The following NRXN3 variants were observed in gnomAD, a reference collection of about 807,000 sequenced individuals.
The protein encoded by NRXN3 is neurexin III.
A neutral mutation model predicts 137.6 loss-of-function variants in NRXN3; 32 were observed. That is an observed-to-expected ratio of 0.23 (90% confidence interval 0.18 to 0.31). The LOEUF (loss-of-function observed/expected upper bound fraction) is 0.31. NRXN3 is among the 10% of genes least tolerant of loss of function. The pLI is 1.00. For synonymous variants in NRXN3, 798 were observed against 784.5 expected, an observed-to-expected ratio of 1.02 and a Z score of -0.29; for missense variants, 1,574 against 2,062.5, an observed-to-expected ratio of 0.76 and a Z score of 4.59.
At chr14:79,190,752 G>A (rs534272434) in intron 15 of NRXN3, among the ~76,000 whole-genome samples, 1 of 152,216 alleles carries the variant, frequency 6.6e-6, no homozygotes, top group East Asian at 1.9e-4. Flanking sequence ...GTAGGGAAAA[G>A]GGAAACTTGA....
intron 4 of NRXN3, among the ~76,000 whole-genome samples, chr14:78,639,721 A>T (rs2097601526): frequency 6.6e-6 from 1 of 152,162 alleles, no homozygotes; most frequent in Non-Finnish European, 1.5e-5. Flanking sequence ...GTTCCTGGCA[A>T]AGTAGTGGTA....
At chr14:79,599,387 T>G (rs2097898291) in intron 16 of NRXN3, among the ~76,000 whole-genome samples, 1 of 152,228 alleles carries the variant, frequency 6.6e-6, no homozygotes, top group South Asian at 2.1e-4. Flanking sequence ...AAATTAAAAC[T>G]ACCTTGTTCT....
At chr14:78,278,116 C>T (rs932424692) in intron 2 of NRXN3, among the ~76,000 whole-genome samples, 6 of 152,150 alleles carry the variant, frequency 3.9e-5, no homozygotes, top group African/African-American at 1.2e-4. Flanking sequence ...TCCTTCAGTC[C>T]TATGTGGTGA....
chr14:78,288,930 A>G (rs1280540590), intron 3 of NRXN3, among the ~76,000 whole-genome samples: 1 of 152,226 alleles, frequency 6.6e-6, no homozygotes, highest in Non-Finnish European at 1.5e-5. Context: ...CCACCTTGCC[A>G]TAAGAACAAT....
chr14:79,018,293 AAAAGAGAG>A (rs2099583119), intron 15 of NRXN3, among the ~76,000 whole-genome samples: 2 of 17,198 alleles, frequency 1.2e-4, no homozygotes, highest in African/African-American at 1.9e-4. Flanking sequence ...AAAAAAAAAA[AAAAGAGAG>A]AGAGCAAGAA....
chr14:79,520,262 C>T (rs1035518133), intron 16 of NRXN3, among the ~76,000 whole-genome samples: 6 of 152,004 alleles, frequency 3.9e-5, no homozygotes, highest in African/African-American at 9.7e-5. Context: ...TTATTTTCAA[C>T]GTGATTAACA....
intron 15 of NRXN3, among the ~76,000 whole-genome samples, chr14:79,240,750 A>G (rs539950550): frequency 6.6e-6 from 1 of 152,236 alleles, no homozygotes; most frequent in South Asian, 2.1e-4. Context: ...CCCACCGCAG[A>G]TAAAACACAG....
intron 15 of NRXN3, among the ~76,000 whole-genome samples, chr14:79,294,793 C>T (rs1009297981): frequency 6.6e-6 from 1 of 152,150 alleles, no homozygotes; most frequent in African/African-American, 2.4e-5. Context: ...GGCACTGGTC[C>T]ATGCTCTGAA....
chr14:78,554,910 A>G (rs2096724345), intron 4 of NRXN3, among the ~76,000 whole-genome samples: 1 of 152,086 alleles, frequency 6.6e-6, no homozygotes, highest in African/African-American at 2.4e-5. Flanking sequence ...CCATCCACCA[A>G]GCCACCCATT....
At chr14:79,107,104 T>A (rs1444602372) in intron 15 of NRXN3, among the ~76,000 whole-genome samples, 1 of 152,194 alleles carries the variant, frequency 6.6e-6, no homozygotes, top group African/African-American at 2.4e-5. Context: ...CTATGTATCA[T>A]GACTGACTAT....
intron 10 of NRXN3, among the ~76,000 whole-genome samples, chr14:78,838,247 A>G (rs1282673552): frequency 1.3e-5 from 2 of 152,170 alleles, no homozygotes; most frequent in Non-Finnish European, 2.9e-5. Flanking sequence ...CAGAAAATCT[A>G]TCTTAGACCA....
intron 19 of NRXN3, among the ~76,000 whole-genome samples, chr14:79,802,694 T>A (rs1044128802): frequency 6.6e-5 from 10 of 152,118 alleles, no homozygotes; most frequent in African/African-American, 2.4e-4. Context: ...ACTTACCAGC[T>A]CCTTTCCCTA....
chr14:79,271,747 G>T (rs74067954), intron 15 of NRXN3, among the ~76,000 whole-genome samples: 1 of 151,892 alleles, frequency 6.6e-6, no homozygotes, highest in Admixed American at 6.6e-5. Flanking sequence ...AGGAAGCCCC[G>T]TGTGGATGAT....
At chr14:78,927,272 A>T (rs895276425) in intron 10 of NRXN3, among the ~76,000 whole-genome samples, 5 of 151,726 alleles carry the variant, frequency 3.3e-5, no homozygotes, top group Non-Finnish European at 7.4e-5. Context: ...GCCTCTGACA[A>T]TGCTTTTCCC....
intron 15 of NRXN3, among the ~76,000 whole-genome samples, chr14:79,036,686 T>G (rs2152513234): frequency 6.7e-6 from 1 of 148,768 alleles, no homozygotes; most frequent in African/African-American, 2.5e-5. Context: ...TTGTGGTTTA[T>G]GATAACGACA....
At chr14:78,246,023 A>G (rs2067620561) in intron 2 of NRXN3, among the ~76,000 whole-genome samples, 1 of 152,172 alleles carries the variant, frequency 6.6e-6, no homozygotes, top group African/African-American at 2.4e-5. Flanking sequence ...CGCTGACATG[A>G]TCACTTGTTT....
chr14:79,384,709 A>G (rs2094557891), intron 15 of NRXN3, among the ~76,000 whole-genome samples: 1 of 152,136 alleles, frequency 6.6e-6, no homozygotes, highest in African/African-American at 2.4e-5. Flanking sequence ...TCAATGCCTG[A>G]CACTCTTGGA....
rs74416804 is a variant in NRXN3, at chr14:78,612,904, T to C, written c.758-32216T>C. 7.3e-3 allele frequency among the ~76,000 whole-genome samples: 1,108 copies of C among 151,710 alleles called. 9 individuals carry two copies. The highest frequency in any genetic ancestry group is 0.041 in the East Asian group (213 of 5,178). On this transcript the variant is annotated intron_variant, in intron 4 of 20. Transcript: ENST00000335750. ...AGCTGCTAAAATTACAGCAAGTCTCTGGTTGCTGTTGCTTGGTTTCTTTCC... is the reference window on the plus strand; with the variant it reads ...AGCTGCTAAAATTACAGCAAGTCTCCGGTTGCTGTTGCTTGGTTTCTTTCC...
chr14:78,799,176 C>A (rs931865926), intron 8 of NRXN3, among the ~76,000 whole-genome samples: 27 of 152,048 alleles, frequency 1.8e-4, no homozygotes, highest in African/African-American at 6.0e-4. Context: ...TTTTTTGGAC[C>A]TTTGTGTTCT....
Sources: allele counts gnomAD v4.1 joint callset (sites outside exome capture counted in the v4.1 genomes callset), GRCh38; gene constraint gnomAD v4.1.1; transcripts MANE v1.5; gene names NCBI Gene and HGNC (gene_info 2026-07-23, HGNC 2026-07-21).